Variants in TTBK2 observed in about 807,000 individuals in gnomAD.
TTBK2 encodes tau tubulin kinase 2, also known as tau-tubulin kinase 2.
A neutral mutation model predicts 110.8 loss-of-function variants in TTBK2; 28 were observed. The observed-to-expected ratio is 0.25, with a 90% CI of 0.19 to 0.35. The LOEUF (loss-of-function observed/expected upper bound fraction) is 0.35. TTBK2 is among the 10% of genes least tolerant of loss of function. The pLI, the probability that TTBK2 is intolerant of heterozygous loss-of-function variation, is 1.00. For missense variants in TTBK2, 1,369 were observed against 1,500.3 expected, an observed-to-expected ratio of 0.91 and a Z score of 1.45; for synonymous variants, 532 against 527.3, an observed-to-expected ratio of 1.01 and a Z score of -0.12.
intron 9 of TTBK2, among the ~76,000 whole-genome samples, chr15:42,805,176 T>C (rs183857596): frequency 6.6e-6 from 1 of 152,340 alleles, no homozygotes; most frequent in Admixed American, 6.5e-5. Flanking sequence ...GTGGTTTACA[T>C]TCAATAGAAG....
chr15:42,918,884 T>C (rs2031225712), intron 1 of TTBK2, among the ~76,000 whole-genome samples: 1 of 152,166 alleles, frequency 6.6e-6, no homozygotes, highest in African/African-American at 2.4e-5. Flanking sequence ...TAGTACAAGA[T>C]AATGAGCAAG....
At chr15:42,902,671 T>C (rs1181837791) in intron 1 of TTBK2, among the ~76,000 whole-genome samples, 1 of 151,886 alleles carries the variant, frequency 6.6e-6, no homozygotes, top group African/African-American at 2.4e-5. Flanking sequence ...GGACAGTTAC[T>C]GTGAAAAACA....
chr15:42,884,791 T>C (rs1387808760), intron 1 of TTBK2, among the ~76,000 whole-genome samples: 19 of 152,222 alleles, frequency 1.2e-4, no homozygotes, highest in Non-Finnish European at 5.9e-5. Flanking sequence ...TAAGCCATCA[T>C]ATCCCCTGTG....
rs1172969423 is a variant in TTBK2, at chr15:42,742,188, G to T, written c.*3607C>A. The stretch of plus-strand genomic sequence containing the variant: ...AAGCAAATAATATAAAGCGAGTAAT[G>T]TCTACAGTGGGTCTCAGTTACCATT... On this transcript the variant is annotated 3_prime_UTR_variant, in exon 15 of 15. Coordinates refer to ENST00000267890, the MANE Select transcript of TTBK2 (RefSeq NM_173500.4). 3.9e-5 allele frequency: 6 copies of T among 152,200 alleles called. No individual in the cohort carries two copies. Among genetic ancestry groups the T allele is most frequent in the Admixed American group, 6.5e-5 (1 of 15,286 alleles). The allele number at this position is 152,200 out of a possible 1,614,324, so 9.4% of individuals were successfully genotyped here.
At chr15:42,779,603 AAGGAC>A (rs1430501432) in intron 11 of TTBK2, among the ~76,000 whole-genome samples, 1 of 152,212 alleles carries the variant, frequency 6.6e-6, no homozygotes, top group Admixed American at 6.5e-5. Flanking sequence ...AAGATGAGCC[AAGGAC>A]TTTCAGAAAT....
chr15:42,895,317 C>T (rs1417379661), intron 1 of TTBK2, among the ~76,000 whole-genome samples: 1 of 151,984 alleles, frequency 6.6e-6, no homozygotes, highest in African/African-American at 2.4e-5. Context: ...GAAATATAAA[C>T]ACATGAAACA....
intron 1 of TTBK2, chr15:42,919,787 T>C: frequency 5.1e-6 from 5 of 985,386 alleles, no homozygotes; most frequent in Non-Finnish European, 6.0e-6. Flanking sequence ...GGATACAAAA[T>C]TAACTTCGCT....
Position 42,916,420 on chromosome 15 carries a change from G to A in TTBK2, c.-68+4018C>T, listed in dbSNP as rs532816267. On this transcript the variant is annotated intron_variant, in intron 1 of 14. Transcript: ENST00000267890. ...TTAGCTCACTGCAACCACCGCCTCCGGGTTCAAGCAATTCTCCTGCCTCAG... is the reference window on the plus strand; with the variant it reads ...TTAGCTCACTGCAACCACCGCCTCCAGGTTCAAGCAATTCTCCTGCCTCAG... Among the ~76,000 whole-genome samples, 9 of 152,228 alleles carry A rather than the reference G, an allele frequency of 5.9e-5. No individual in the cohort carries two copies. The East Asian group carries it at 1.4e-3, about 23-fold the overall frequency.
chr15:42,875,551 G>T (rs1198747216), intron 2 of TTBK2, among the ~76,000 whole-genome samples: 1 of 151,888 alleles, frequency 6.6e-6, no homozygotes, highest in Non-Finnish European at 1.5e-5. Context: ...TCTGAGGATT[G>T]CCCTTAACCA....
At chr15:42,840,464 A>C in intron 3 of TTBK2, 31 bp from the exon 4 acceptor site, 1 of 1,570,428 alleles carries the variant, frequency 6.4e-7, no homozygotes, top group Non-Finnish European at 8.8e-7. Context: ...GTGGAAAAGA[A>C]TATACTATGG....
chr15:42,877,556 T>C (rs548201010), intron 2 of TTBK2, among the ~76,000 whole-genome samples: 1 of 152,334 alleles, frequency 6.6e-6, no homozygotes, highest in Non-Finnish European at 1.5e-5. Context: ...CTAATTACAA[T>C]ATCCAGGTTT....
intron 3 of TTBK2, among the ~76,000 whole-genome samples, chr15:42,856,398 A>G (rs1009853414): frequency 5.3e-5 from 8 of 149,840 alleles, no homozygotes; most frequent in African/African-American, 1.7e-4. Flanking sequence ...AAGGCAAGGG[A>G]AAAAAAAAAG....
At chr15:42,859,624 A>G (rs561560298) in intron 3 of TTBK2, among the ~76,000 whole-genome samples, 8 of 152,180 alleles carry the variant, frequency 5.3e-5, no homozygotes, top group Non-Finnish European at 1.0e-4. Context: ...CCACATTACT[A>G]ACAGTCTATT....
At chr15:42,860,529 T>A (rs1464451366) in intron 3 of TTBK2, among the ~76,000 whole-genome samples, 1 of 151,898 alleles carries the variant, frequency 6.6e-6, no homozygotes, top group African/African-American at 2.4e-5. Context: ...GTTGGATCGC[T>A]TGAGCCCAGG....
At chr15:42,804,822 CT>C (rs1005397667) in intron 9 of TTBK2, among the ~76,000 whole-genome samples, 10 of 152,158 alleles carry the variant, frequency 6.6e-5, no homozygotes, top group African/African-American at 2.4e-4. Context: ...AAAAAAAGTA[CT>C]CTGCTTTCAA....
chr15:42,755,542 A>C (rs1413372404), intron 13 of TTBK2, among the ~76,000 whole-genome samples: 1 of 152,202 alleles, frequency 6.6e-6, no homozygotes, highest in Non-Finnish European at 1.5e-5. Context: ...AATAGCTCCC[A>C]AATGCAACCA....
At chr15:42,756,554 C>G (rs946676725) in intron 13 of TTBK2, among the ~76,000 whole-genome samples, 1 of 152,136 alleles carries the variant, frequency 6.6e-6, no homozygotes, top group South Asian at 2.1e-4. Flanking sequence ...CCACTGCACT[C>G]GAGCCTGGGC....
At chr15:42,839,948 A>G (rs1893153228) in intron 4 of TTBK2, among the ~76,000 whole-genome samples, 1 of 152,192 alleles carries the variant, frequency 6.6e-6, no homozygotes, top group Non-Finnish European at 1.5e-5. Context: ...AACCTCCAGA[A>G]TGGTAAGAAA....
intron 5 of TTBK2, among the ~76,000 whole-genome samples, chr15:42,828,512 G>A (rs1445405451): frequency 6.6e-6 from 1 of 151,108 alleles, no homozygotes; most frequent in African/African-American, 2.4e-5. Flanking sequence ...TCAGGAGTTT[G>A]AGACCATCCT....
Sources: allele counts gnomAD v4.1 joint callset (sites outside exome capture counted in the v4.1 genomes callset), GRCh38; gene constraint gnomAD v4.1.1; transcripts MANE v1.5; gene names NCBI Gene and HGNC (gene_info 2026-07-23, HGNC 2026-07-21).